The following CDKN1B variants were observed in gnomAD, a reference collection of about 807,000 sequenced individuals.
CDKN1B encodes cyclin dependent kinase inhibitor 1B.
In CDKN1B, 7 loss-of-function variants were observed where a neutral mutation model predicts 17.1. The observed-to-expected ratio is 0.41, with a 90% CI of 0.23 to 0.77. The LOEUF (loss-of-function observed/expected upper bound fraction) is 0.77, where lower values mean the gene tolerates loss of function less well. CDKN1B is among the 30% of genes least tolerant of loss of function. CDKN1B has a pLI of 0.33. For missense variants in CDKN1B, 337 were observed against 262.0 expected (o/e 1.29, Z -1.98); for synonymous variants, 149 against 104.3 (o/e 1.43, Z -2.61).
Position 12,718,122 on chromosome 12 carries a change from C to G in CDKN1B, c.283C>G (p.Pro95Ala), listed in dbSNP as rs188579132. ...PEFYYRPPRP[P>A]KGACKVPAQE... ...GTTCTACTACAGACCCCCGCGGCCC[C>G]CCAAAGGTGCCTGCAAGGTGCCGGC... The change falls in exon 1 of 3, where the codon CCC becomes GCC. Residue 95 changes from proline (P) to alanine (A), a missense_variant. Pro to Ala is a conservative substitution (Grantham distance 27, BLOSUM62 -1). Coordinates refer to ENST00000228872, the MANE Select transcript of CDKN1B (RefSeq NM_004064.5). The G allele has an allele frequency of 1.4e-5, 23 of 1,614,186 alleles. No individual in the cohort carries two copies. In the East Asian group the frequency reaches 4.5e-4, roughly 31 times the overall value.
rs187872287 is a variant in CDKN1B, at chr12:12,721,017, G to A, written c.*9-19G>A. The A allele has an allele frequency of 1.1e-4, 73 of 656,820 alleles. No individual in the cohort carries two copies. In the East Asian group the frequency reaches 1.5e-3, roughly 14 times the overall value. 40.7% of individuals were successfully genotyped at this position (656,820 alleles called of 1,614,324 possible). A position where few individuals can be genotyped will look rare whatever the true frequency, so the allele number is the denominator to read the frequency against. ...CTAGTGCTCTTCCTTTAATTCTTCCGTTTTGTTTTCTTTTGCAGAATTAAG... is the reference window on the plus strand; with the variant it reads ...CTAGTGCTCTTCCTTTAATTCTTCCATTTTGTTTTCTTTTGCAGAATTAAG... On this transcript the variant is annotated intron_variant, in intron 2 of 2. Coordinates refer to ENST00000228872, the MANE Select transcript of CDKN1B (RefSeq NM_004064.5).
At chr12:12,720,528 T>G (rs1565420567) in intron 2 of CDKN1B, among the ~76,000 whole-genome samples, 1 of 152,228 alleles carries the variant, frequency 6.6e-6, no homozygotes, top group Non-Finnish European at 1.5e-5. Flanking sequence ...TTCAAAAATT[T>G]AGAAAATTTT....
chr12:12,718,118 G>GC lies in CDKN1B; in HGVS notation c.285dup (p.Lys96GlnfsTer29), dbSNP rs1555085575. 1 of 1,614,158 alleles carries GC rather than the reference G, an allele frequency of 6.2e-7. No homozygotes were observed. Among genetic ancestry groups the GC allele is most frequent in the Non-Finnish European group, 8.5e-7 (1 of 1,180,044 alleles). On this transcript the variant is annotated frameshift_variant, in exon 1 of 3. Coordinates refer to ENST00000228872, the MANE Select transcript of CDKN1B (RefSeq NM_004064.5). LOFTEE classifies it high-confidence loss of function. ...CCGAGTTCTACTACAGACCCCCGCG[G>GC]CCCCCCAAAGGTGCCTGCAAGGTGC...
At chr12:12,719,037 A>T in intron 2 of CDKN1B, 83 bp downstream of exon 2, 2 of 1,565,002 alleles carry the variant, frequency 1.3e-6, no homozygotes, top group Non-Finnish European at 1.7e-6. Context: ...TTGCTGGCAA[A>T]TTAAAAGCTT....
Position 12,717,535 on chromosome 12 carries a change from T to G in CDKN1B, c.-305T>G. The G allele has an allele frequency of 7.2e-7, 1 of 1,391,872 alleles. No homozygotes were observed. Among genetic ancestry groups the G allele is most frequent in the South Asian group, 1.5e-5 (1 of 64,826 alleles). 86.2% of individuals were successfully genotyped at this position (1,391,872 alleles called of 1,614,324 possible). A position where few individuals can be genotyped will look rare whatever the true frequency, so the allele number is the denominator to read the frequency against. The stretch of plus-strand genomic sequence containing the variant: ...GCTGGGTTCGCGGGACCCGCGGGCT[T>G]GCACCCGCCCAGACTCGGACGGGCT... On this transcript the variant is annotated 5_prime_UTR_variant, in exon 1 of 3. Transcript: ENST00000228872.
rs772818396 is a variant in CDKN1B, at chr12:12,718,288, G to C, written c.449G>C (p.Gly150Ala). 70 of 1,547,438 alleles carry C rather than the reference G, an allele frequency of 4.5e-5. No individual in the cohort carries two copies. In the South Asian group the frequency reaches 7.3e-4, roughly 16 times the overall value. ...ACGGGGTTAGCGGAGCAATGCGCAG[G>C]AATAAGGAAGCGACCTGCAACCGAC... is the stretch of plus-strand genomic sequence containing the variant. ...SQTGLAEQCA[G>A]IRKRPATDDS... The change falls in exon 1 of 3, where the codon GGA (glycine) becomes GCA (alanine). Residue 150 changes from glycine to alanine, a missense_variant. Transcript: ENST00000228872.
Position 12,717,462 on chromosome 12 carries a change from G to C in CDKN1B, c.-378G>C. On this transcript the variant is annotated 5_prime_UTR_variant, in exon 1 of 3. Coordinates refer to ENST00000228872, the MANE Select transcript of CDKN1B (RefSeq NM_004064.5). Reference sequence around the variant, plus strand: ...GTTTTTCTCCCCCTCCCCTGTCCCCGCTTGCTCACGGCTCTGCGACTCCGA... The same window carrying C: ...GTTTTTCTCCCCCTCCCCTGTCCCCCCTTGCTCACGGCTCTGCGACTCCGA... The C allele has an allele frequency of 7.6e-7, 1 of 1,310,894 alleles. No individual in the cohort carries two copies. The highest frequency in any genetic ancestry group is 9.7e-7 in the Non-Finnish European group (1 of 1,025,676). 81.2% of individuals were successfully genotyped at this position (1,310,894 alleles called of 1,614,324 possible).
At position 12,721,309 on chromosome 12, in the gene CDKN1B, C is replaced by T; in HGVS notation, c.*282C>T. On this transcript the variant is annotated 3_prime_UTR_variant, in exon 3 of 3. Coordinates refer to ENST00000228872, the MANE Select transcript of CDKN1B (RefSeq NM_004064.5). ...TATAGTTTTTACCTTTTATGTAGCA[C>T]ATAAACTTTGGGGAAGGGAGGGCAG... The T allele has an allele frequency of 5.2e-6, 1 of 193,910 alleles. No individual in the cohort carries two copies. The highest frequency in any genetic ancestry group is 1.1e-5 in the Non-Finnish European group (1 of 88,380). The allele number at this position is 193,910 out of a possible 1,614,324, so 12.0% of individuals were successfully genotyped here.
At chr12:12,719,003 C>T (rs1946515237) in intron 2 of CDKN1B, 49 bp downstream of exon 2, 56 of 1,605,994 alleles carry the variant, frequency 3.5e-5, no homozygotes, top group Non-Finnish European at 4.7e-5. Flanking sequence ...GGCCTTCAGA[C>T]CTCACGATAC....
At chr12:12,718,428 C>T (rs1946502891) in intron 1 of CDKN1B, 114 bp downstream of exon 1, 3 of 958,418 alleles carry the variant, frequency 3.1e-6, no homozygotes, top group South Asian at 2.8e-5. Context: ...GGAGAGCTAA[C>T]TTTATTGGTC....
Position 12,718,136 on chromosome 12 carries a change from C to T in CDKN1B, c.297C>T (p.Cys99=), listed in dbSNP as rs1060500191. The T allele has an allele frequency of 1.2e-6, 2 of 1,614,118 alleles. No homozygotes were observed. Among genetic ancestry groups the T allele is most frequent in the East Asian group, 4.5e-5 (2 of 44,882 alleles). Reference sequence around the variant, plus strand: ...CCCCGCGGCCCCCCAAAGGTGCCTGCAAGGTGCCGGCGCAGGAGAGCCAGG... The same window carrying T: ...CCCCGCGGCCCCCCAAAGGTGCCTGTAAGGTGCCGGCGCAGGAGAGCCAGG... ...YRPPRPPKGA[C]KVPAQESQDV... is the part of the protein sequence containing the mutation. Residue 99 remains cysteine, a synonymous_variant, in exon 1 of 3, where the codon TGC becomes TGT. Transcript: ENST00000228872.
At position 12,718,809 on chromosome 12, in the gene CDKN1B, T is replaced by G. The variant is rs757340394; in HGVS notation, c.476-16T>G. 6.2e-7 allele frequency: 1 copy of G among 1,613,870 alleles called. No homozygotes were observed. The highest frequency in any genetic ancestry group is 8.5e-7 in the Non-Finnish European group (1 of 1,179,940). The stretch of plus-strand genomic sequence containing the variant: ...AAAGATTGTGTGTTCTTTTTAAAAA[T>G]TTCCCCTGCGCTTAGATTCTTCTAC... On this transcript the variant is annotated splice_polypyrimidine_tract_variant and intron_variant, in intron 1 of 2. Transcript: ENST00000228872.
rs370811357 is a variant in CDKN1B at position 12,718,160 on chromosome 12, G to T, written c.321G>T (p.Gln107His). 3.1e-6 allele frequency: 5 copies of T among 1,613,638 alleles called. No homozygotes were observed. Among genetic ancestry groups the T allele is most frequent in the South Asian group, 1.1e-5 (1 of 91,090 alleles). Residue 107 changes from glutamine to histidine, a missense_variant, in exon 1 of 3, where the codon CAG becomes CAT. By Grantham distance (24) the Gln-to-His change is conservative. Coordinates refer to ENST00000228872, the MANE Select transcript of CDKN1B (RefSeq NM_004064.5). ...GCAAGGTGCCGGCGCAGGAGAGCCA[G>T]GATGTCAGCGGGAGCCGCCCGGCGG... The part of the protein sequence containing the change: ...GACKVPAQES[Q>H]DVSGSRPAAP...
rs779986355 is a variant in CDKN1B at position 12,718,182 on chromosome 12, G to T, written c.343G>T (p.Ala115Ser). ...CCAGGATGTCAGCGGGAGCCGCCCG[G>T]CGGCGCCTTTAATTGGGGCTCCGGC... ...ESQDVSGSRP[A>S]APLIGAPANS... The change falls in exon 1 of 3, where the codon GCG (alanine) becomes TCG (serine). Residue 115 changes from alanine (A) to serine (S), a missense_variant. Physicochemically the swap from Ala to Ser is moderately conservative, Grantham distance 99. Coordinates refer to ENST00000228872, the MANE Select transcript of CDKN1B (RefSeq NM_004064.5). The T allele has an allele frequency of 2.5e-6, 4 of 1,613,108 alleles. No homozygotes were observed.
rs760454287 is a variant in CDKN1B, at chr12:12,718,291, T to G, written c.452T>G (p.Ile151Arg). 6.2e-7 allele frequency: 1 copy of G among 1,604,414 alleles called. No homozygotes were observed. Among genetic ancestry groups the G allele is most frequent in the South Asian group, 1.1e-5 (1 of 91,086 alleles). ...QTGLAEQCAG[I>R]RKRPATDDSS... ...GGGTTAGCGGAGCAATGCGCAGGAA[T>G]AAGGAAGCGACCTGCAACCGACGGT... Residue 151 changes from isoleucine (I) to arginine (R), a missense_variant, in exon 1 of 3, where the codon ATA becomes AGA. By Grantham distance (97) the Ile-to-Arg change is moderately conservative. Coordinates refer to ENST00000228872, the MANE Select transcript of CDKN1B (RefSeq NM_004064.5).
intron 1 of CDKN1B, among the ~76,000 whole-genome samples, chr12:12,718,556 A>G (rs1469187204): frequency 6.6e-6 from 1 of 152,170 alleles, no homozygotes; most frequent in Admixed American, 6.5e-5. Flanking sequence ...CCCTCTCACT[A>G]GCAACTCCTA....
intron 2 of CDKN1B, chr12:12,719,183 T>C: frequency 1.9e-6 from 1 of 538,072 alleles, no homozygotes; most frequent in South Asian, 2.0e-5. Context: ...CAGCTACTTG[T>C]AACCCAGGCC....
Position 12,721,507 on chromosome 12 carries a change from A to G in CDKN1B, c.*480A>G, listed in dbSNP as rs1246555030. 4.3e-6 allele frequency: 1 copy of G among 235,120 alleles called. No homozygotes were observed. Among genetic ancestry groups the G allele is most frequent in the Non-Finnish European group, 8.1e-6 (1 of 122,780 alleles). The allele number at this position is 235,120 out of a possible 1,614,324, so 14.6% of individuals were successfully genotyped here. ...AGACAGCTGATACTTCATTTAAAAA[A>G]ATCACAAAAATTTGAACACTGGCTA... On this transcript the variant is annotated 3_prime_UTR_variant, in exon 3 of 3. Transcript: ENST00000228872.
Position 12,717,473 on chromosome 12 carries a change from G to T in CDKN1B, c.-367G>T. ...CCTCCCCTGTCCCCGCTTGCTCACG[G>T]CTCTGCGACTCCGACGCCGGCAAGG... On this transcript the variant is annotated 5_prime_UTR_variant, in exon 1 of 3. Coordinates refer to ENST00000228872, the MANE Select transcript of CDKN1B (RefSeq NM_004064.5). 7.5e-7 allele frequency: 1 copy of T among 1,336,542 alleles called. No homozygotes were observed. The allele number at this position is 1,336,542 out of a possible 1,614,324, so 82.8% of individuals were successfully genotyped here.
Sources: allele counts gnomAD v4.1 joint callset (sites outside exome capture counted in the v4.1 genomes callset), GRCh38; gene constraint gnomAD v4.1.1; transcripts MANE v1.5; gene names NCBI Gene and HGNC (gene_info 2026-07-23, HGNC 2026-07-21).